Variants in PTPRN2 observed in about 807,000 individuals in gnomAD.
The protein encoded by PTPRN2 is receptor-type tyrosine-protein phosphatase N2.
A neutral mutation model predicts 118.8 loss-of-function variants in PTPRN2; 74 were observed. That is an observed-to-expected ratio of 0.62 (90% CI 0.52 to 0.76). The LOEUF (loss-of-function observed/expected upper bound fraction) is 0.76, where lower values mean the gene tolerates loss of function less well. Among genes scored for constraint, PTPRN2 ranks in the 30% least tolerant of loss-of-function variants. PTPRN2 has a pLI of 0.00. For synonymous variants in PTPRN2, 641 were observed against 608.0 expected, an observed-to-expected ratio of 1.05 and a Z score of -0.80; for missense variants, 1,481 against 1,394.4, an observed-to-expected ratio of 1.06 and a Z score of -0.99.
At chr7:158,150,880 G>A (rs1006576789) in intron 6 of PTPRN2, among the ~76,000 whole-genome samples, 4 of 151,952 alleles carry the variant, frequency 2.6e-5, no homozygotes, top group African/African-American at 7.3e-5. Context: ...CCAACGTGCT[G>A]GTGGAATTAT....
At chr7:157,841,835 C>T (rs1050992406) in intron 12 of PTPRN2, among the ~76,000 whole-genome samples, 3 of 152,196 alleles carry the variant, frequency 2.0e-5, no homozygotes, top group African/African-American at 7.2e-5. Context: ...CAGGAGAACA[C>T]CCTGGATTCT....
chr7:158,406,853 C>T (rs1399099272), intron 2 of PTPRN2, among the ~76,000 whole-genome samples: 1 of 152,210 alleles, frequency 6.6e-6, no homozygotes, highest in African/African-American at 2.4e-5. Flanking sequence ...CCCTGGATGA[C>T]AGAGCTCCAG....
At chr7:158,377,957 T>A (rs548419409) in intron 2 of PTPRN2, among the ~76,000 whole-genome samples, 2 of 152,158 alleles carry the variant, frequency 1.3e-5, no homozygotes, top group Non-Finnish European at 1.5e-5. Flanking sequence ...CTCTGTGTGG[T>A]CCAGATGTGA....
At chr7:158,414,912 G>A (rs1360433632) in intron 2 of PTPRN2, among the ~76,000 whole-genome samples, 1 of 152,164 alleles carries the variant, frequency 6.6e-6, no homozygotes, top group Non-Finnish European at 1.5e-5. Context: ...CTCTGCCTGG[G>A]ACAAAAGCCT....
chr7:158,130,502 C>A, intron 9 of PTPRN2, among the ~76,000 whole-genome samples: 1 of 150,804 alleles, frequency 6.6e-6, no homozygotes, highest in Non-Finnish European at 1.5e-5. Flanking sequence ...AACTTCTACC[C>A]AACACACACA....
chr7:158,406,239 G>C (rs1448947131), intron 2 of PTPRN2, among the ~76,000 whole-genome samples: 2 of 147,218 alleles, frequency 1.4e-5, no homozygotes, highest in African/African-American at 2.5e-5. Flanking sequence ...TGCACACTGA[G>C]ATCCCGGTGG....
chr7:157,595,232 G>T lies in PTPRN2; in HGVS notation c.2496+6C>A. 1 of 1,613,632 alleles carries T rather than the reference G, an allele frequency of 6.2e-7. No homozygotes were observed. The highest frequency in any genetic ancestry group is 8.5e-7 in the Non-Finnish European group (1 of 1,179,554). ...GAAAGAGAGATTTTAATTTAAAAAT[G>T]TTCACCTGCCAAAAGTCAGCCACGG... On this transcript the variant is annotated splice_donor_region_variant and intron_variant, in intron 17 of 22. Transcript: ENST00000389418.
chr7:158,319,083 A>T (rs943337080), intron 2 of PTPRN2, among the ~76,000 whole-genome samples: 4 of 152,236 alleles, frequency 2.6e-5, no homozygotes, highest in Non-Finnish European at 5.9e-5. Flanking sequence ...TATATTTTAA[A>T]ATTATATTAG....
intron 11 of PTPRN2, among the ~76,000 whole-genome samples, chr7:158,006,859 C>T (rs1430257238): frequency 2.6e-5 from 4 of 152,196 alleles, no homozygotes; most frequent in African/African-American, 7.2e-5. Flanking sequence ...CCAGCTCCAT[C>T]ATGCGGTCAT....
intron 1 of PTPRN2, among the ~76,000 whole-genome samples, chr7:158,511,614 C>T (rs528953407): frequency 2.6e-5 from 4 of 152,324 alleles, no homozygotes; most frequent in East Asian, 1.9e-4. Context: ...CAACCCTGGC[C>T]GCACAGCTTT....
At chr7:158,516,506 C>T (rs1464233688) in intron 1 of PTPRN2, among the ~76,000 whole-genome samples, 2 of 152,010 alleles carry the variant, frequency 1.3e-5, no homozygotes, top group Admixed American at 6.5e-5. Flanking sequence ...ATTCTTGGTG[C>T]TTTCTGCCTA....
In PTPRN2 at chr7:157,974,511, C is replaced by T. The variant is rs963469235; in HGVS notation, c.1724-75774G>A. On this transcript the variant is annotated intron_variant, in intron 11 of 22. Coordinates refer to ENST00000389418, the MANE Select transcript of PTPRN2 (RefSeq NM_002847.5). This position sits in a 1 kb window ranked among gnomAD's most constrained non-coding sequence, Gnocchi z 4.0. ...AGTGTTCACTGGCAGTGGGAACCGT[C>T]GGTCCTGCCATGGGACGATGTGACT... 2.0e-5 allele frequency among the ~76,000 whole-genome samples: 3 copies of T among 152,160 alleles called. No homozygotes were observed. The highest frequency in any genetic ancestry group is 4.8e-5 in the African/African-American group (2 of 41,418).
intron 12 of PTPRN2, among the ~76,000 whole-genome samples, chr7:157,882,905 A>C (rs6962540): frequency 0.15 from 22,660 of 151,236 alleles, 1,916 homozygotes; most frequent in Admixed American, 0.25. Context: ...TGATTGTTGG[A>C]GATCAGAACA....
At chr7:158,009,292 A>G (rs1397554122) in intron 11 of PTPRN2, among the ~76,000 whole-genome samples, 1 of 152,142 alleles carries the variant, frequency 6.6e-6, no homozygotes, top group Non-Finnish European at 1.5e-5. Context: ...AGGCACGATT[A>G]TACACAATAC....
At chr7:157,577,282 G>A (rs1325217894) in intron 18 of PTPRN2, among the ~76,000 whole-genome samples, 5 of 152,090 alleles carry the variant, frequency 3.3e-5, no homozygotes, top group African/African-American at 9.7e-5. Context: ...GGCACTTCCG[G>A]GCCTAAGCGT....
At chr7:157,658,317 A>G (rs1187865391) in intron 13 of PTPRN2, among the ~76,000 whole-genome samples, 1 of 152,216 alleles carries the variant, frequency 6.6e-6, no homozygotes, top group Non-Finnish European at 1.5e-5. Context: ...GAGCCCATGC[A>G]AGAGAAGGCA....
intron 14 of PTPRN2, among the ~76,000 whole-genome samples, chr7:157,638,206 C>T (rs544325636): frequency 6.6e-5 from 10 of 152,310 alleles, no homozygotes; most frequent in African/African-American, 2.4e-4. Flanking sequence ...AACGTGATCA[C>T]AAGGAATGGA....
At chr7:157,827,074 A>G (rs774580918) in intron 12 of PTPRN2, among the ~76,000 whole-genome samples, 2 of 152,256 alleles carry the variant, frequency 1.3e-5, no homozygotes, top group East Asian at 3.9e-4. Flanking sequence ...GTCCTAACAC[A>G]ACACTGCCAG....
intron 11 of PTPRN2, among the ~76,000 whole-genome samples, chr7:157,959,969 G>T (rs1262929143): frequency 6.6e-6 from 1 of 152,102 alleles, no homozygotes; most frequent in African/African-American, 2.4e-5. Context: ...AAAAACATGT[G>T]GTCTATACAC....
Sources: gnomAD v4.1 joint callset for allele counts (sites outside exome capture counted in the v4.1 genomes callset) on GRCh38, gnomAD v4.1.1 for gene constraint, Gnocchi (gnomAD v3.1) non-coding constraint, MANE v1.5 for transcripts, NCBI Gene and HGNC (gene_info 2026-07-23, HGNC 2026-07-21) for gene names.